Variants in DDAH2 observed in about 807,000 individuals in gnomAD.
The protein encoded by DDAH2 is putative hydrolase DDAH2.
DDAH2 carries 8 observed loss-of-function variants against 24.8 expected under a neutral mutation model. That is an observed-to-expected ratio of 0.32 (90% CI 0.19 to 0.58). The LOEUF (loss-of-function observed/expected upper bound fraction) is 0.58. DDAH2 is among the 20% of genes least tolerant of loss of function. The probability of loss-of-function intolerance (pLI) is 0.87; values close to 1 mark genes in which losing one functional copy is unlikely to be tolerated. For missense variants in DDAH2, 281 were observed against 379.0 expected (o/e 0.74, Z 2.15); for synonymous variants, 151 against 166.1 (o/e 0.91, Z 0.70).
Position 31,728,674 on chromosome 6 carries a change from C to A in DDAH2, c.369G>T (p.Thr123=), listed in dbSNP as rs767833091. The A allele has an allele frequency of 6.2e-7, 1 of 1,613,040 alleles. No homozygotes were observed. The highest frequency in any genetic ancestry group is 8.5e-7 in the Non-Finnish European group (1 of 1,180,008). ...TGAAGAGAACGTCAGTGCCATCCAGCGTCGCGTTCTCGTCTCCTATTTCCA... is the reference window on the plus strand; with the variant it reads ...TGAAGAGAACGTCAGTGCCATCCAGAGTCGCGTTCTCGTCTCCTATTTCCA... ...RIVEIGDENA[T]LDGTDVLFTG... is the part of the protein sequence containing the mutation. Residue 123 remains threonine (T), a synonymous_variant, in exon 2 of 6, where the codon ACG becomes ACT. Coordinates refer to ENST00000375789, the MANE Select transcript of DDAH2 (RefSeq NM_001303007.2). The surrounding 1 kb of genome is among the most constrained non-coding windows in gnomAD (Gnocchi z 9.8).
In DDAH2 at chr6:31,727,185, C is replaced by G; in HGVS notation, c.*52G>C. On this transcript the variant is annotated 3_prime_UTR_variant, in exon 6 of 6. Transcript: ENST00000375789. This position sits in a 1 kb window ranked among gnomAD's most constrained non-coding sequence, Gnocchi z 6.0. Reference sequence around the variant, plus strand: ...TCTCTATCTAACCCTCCTTCCCCTTCTACTTCCTATACTATCCTACCCCTG... The same window carrying G: ...TCTCTATCTAACCCTCCTTCCCCTTGTACTTCCTATACTATCCTACCCCTG... 2.2e-6 allele frequency: 3 copies of G among 1,364,862 alleles called. No homozygotes were observed. Among genetic ancestry groups the G allele is most frequent in the Non-Finnish European group, 3.1e-6 (3 of 960,504 alleles). The allele number at this position is 1,364,862 out of a possible 1,614,324, so 84.5% of individuals were successfully genotyped here.
Position 31,727,894 on chromosome 6 carries a change from AACCCCCT to A in DDAH2, c.592-209_592-203del, listed in dbSNP as rs1390919523. 6.6e-6 allele frequency among the ~76,000 whole-genome samples: 1 copy of A among 152,180 alleles called. No individual in the cohort carries two copies. The highest frequency in any genetic ancestry group is 1.5e-5 in the Non-Finnish European group (1 of 68,034). ...CTTGGAATCACATGCAGTTATTTTC[AACCCCCT>A]ACCTTCCCCAGCCCCTCCTATCTGT... On this transcript the variant is annotated intron_variant, in intron 4 of 5. Coordinates refer to ENST00000375789, the MANE Select transcript of DDAH2 (RefSeq NM_001303007.2). The surrounding 1 kb of genome is among the most constrained non-coding windows in gnomAD (Gnocchi z 6.0).
Position 31,727,205 on chromosome 6 carries a change from C to T in DDAH2, c.*32G>A. 1 of 1,518,148 alleles carries T rather than the reference C, an allele frequency of 6.6e-7. No homozygotes were observed. The highest frequency in any genetic ancestry group is 9.1e-7 in the Non-Finnish European group (1 of 1,094,436). The allele number at this position is 1,518,148 out of a possible 1,614,324, so 94.0% of individuals were successfully genotyped here. On this transcript the variant is annotated 3_prime_UTR_variant, in exon 6 of 6. Transcript: ENST00000375789. The surrounding 1 kb of genome is among the most constrained non-coding windows in gnomAD (Gnocchi z 6.0). ...CCCTTCTACTTCCTATACTATCCTA[C>T]CCCTGGCCAGCAGTACCCCAAGGCC...
Position 31,728,603 on chromosome 6 carries a change from T to G in DDAH2, c.397+43A>C. ...CTCCAGACGGCCGAGTCTCCCAAAC[T>G]CTACTTCCCTGTGCCAAGACCTATG... On this transcript the variant is annotated intron_variant, in intron 2 of 5. Transcript: ENST00000375789. This position sits in a 1 kb window ranked among gnomAD's most constrained non-coding sequence, Gnocchi z 9.8. 1 of 1,611,782 alleles carries G rather than the reference T, an allele frequency of 6.2e-7. No homozygotes were observed. The highest frequency in any genetic ancestry group is 2.2e-5 in the East Asian group (1 of 44,856).
In DDAH2 at chr6:31,727,710, T is replaced by G; in HGVS notation, c.592-18A>C. 6.4e-7 allele frequency: 1 copy of G among 1,574,112 alleles called. No individual in the cohort carries two copies. On this transcript the variant is annotated intron_variant, in intron 4 of 5. Coordinates refer to ENST00000375789, the MANE Select transcript of DDAH2 (RefSeq NM_001303007.2). The surrounding 1 kb of genome is among the most constrained non-coding windows in gnomAD (Gnocchi z 6.0). Reference sequence around the variant, plus strand: ...GCCATTGCCTAGAGGAAAGAGGAAGTGTTCGAGTCTCAGAACCTCTCCACA... The same window carrying G: ...GCCATTGCCTAGAGGAAAGAGGAAGGGTTCGAGTCTCAGAACCTCTCCACA...
chr6:31,727,430 A>G lies in DDAH2; in HGVS notation c.742-77T>C. 6.3e-7 allele frequency: 1 copy of G among 1,596,698 alleles called. No homozygotes were observed. Among genetic ancestry groups the G allele is most frequent in the Non-Finnish European group, 8.6e-7 (1 of 1,167,644 alleles). Reference sequence around the variant, plus strand: ...GCCAGGCCACTCTTCCAGCCAGCTCAGAGTGGCCCCACCCAGGCTTCTAGA... The same window carrying G: ...GCCAGGCCACTCTTCCAGCCAGCTCGGAGTGGCCCCACCCAGGCTTCTAGA... On this transcript the variant is annotated intron_variant, in intron 5 of 5. Transcript: ENST00000375789. The surrounding 1 kb of genome is among the most constrained non-coding windows in gnomAD (Gnocchi z 6.0).
At chr6:31,729,424 C>A, upstream of DDAH2, 1 of 539,574 alleles carries the variant, frequency 1.9e-6, no homozygotes, top group Non-Finnish European at 3.3e-6. The surrounding 1 kb of genome is among the most constrained non-coding windows in gnomAD (Gnocchi z 6.7). Context: ...TTAAGAGGAG[C>A]CTGAGGAACA....
At position 31,727,580 on chromosome 6, in the gene DDAH2, A is replaced by G. The variant is rs750874237; in HGVS notation, c.704T>C (p.Leu235Pro). 17 of 1,613,046 alleles carry G rather than the reference A, an allele frequency of 1.1e-5. No homozygotes were observed. Among genetic ancestry groups the G allele is most frequent in the Non-Finnish European group, 1.2e-5 (14 of 1,180,002 alleles). Residue 235 changes from leucine to proline, a missense_variant, in exon 5 of 6, where the codon CTG becomes CCG. Transcript: ENST00000375789. This position sits in a 1 kb window ranked among gnomAD's most constrained non-coding sequence, Gnocchi z 6.0. ...GGGCAGATCCCCACCTCCACGGTGC[A>G]GGAGGAAAGGGGGCACACCAGGCAA... is the stretch of plus-strand genomic sequence containing the variant. ...PGLPGVPPFL[L>P]HRGGGDLPNS...
chr6:31,727,123 T>C lies in DDAH2; in HGVS notation c.*114A>G. 4 of 768,386 alleles carry C rather than the reference T, an allele frequency of 5.2e-6. No homozygotes were observed. The South Asian group carries it at 6.3e-5, about 12-fold the overall frequency. The allele number at this position is 768,386 out of a possible 1,614,324, so 47.6% of individuals were successfully genotyped here. A position where few individuals can be genotyped will look rare whatever the true frequency, so the allele number is the denominator to read the frequency against. ...TTCCCTACACTCTCCCCTCCCCCAATATTGAGGCTCTCTCCCAACTACTGC... is the reference window on the plus strand; with the variant it reads ...TTCCCTACACTCTCCCCTCCCCCAACATTGAGGCTCTCTCCCAACTACTGC... On this transcript the variant is annotated 3_prime_UTR_variant, in exon 6 of 6. Coordinates refer to ENST00000375789, the MANE Select transcript of DDAH2 (RefSeq NM_001303007.2). The surrounding 1 kb of genome is among the most constrained non-coding windows in gnomAD (Gnocchi z 6.0).
chr6:31,728,544 G>A lies in DDAH2; in HGVS notation c.398-20C>T, dbSNP rs139006870. The A allele has an allele frequency of 6.7e-3, 10,793 of 1,612,834 alleles. 57 individuals are homozygous for A. The highest frequency in any genetic ancestry group is 8.1e-3 in the Non-Finnish European group (9,587 of 1,179,924). ...CCCGGCCTGAGTCCGGGAGGCCGCGGAGGTTTGAGGGCGGGAGTGAGTTAG... is the reference window on the plus strand; with the variant it reads ...CCCGGCCTGAGTCCGGGAGGCCGCGAAGGTTTGAGGGCGGGAGTGAGTTAG... On this transcript the variant is annotated intron_variant, in intron 2 of 5. Coordinates refer to ENST00000375789, the MANE Select transcript of DDAH2 (RefSeq NM_001303007.2). The surrounding 1 kb of genome is among the most constrained non-coding windows in gnomAD (Gnocchi z 9.8).
Position 31,727,516 on chromosome 6 carries a change from G to A in DDAH2, c.741+27C>T, listed in dbSNP as rs1807467731. 1 of 1,612,888 alleles carries A rather than the reference G, an allele frequency of 6.2e-7. No homozygotes were observed. Among genetic ancestry groups the A allele is most frequent in the Admixed American group, 1.7e-5 (1 of 59,990 alleles). On this transcript the variant is annotated intron_variant, in intron 5 of 5. Coordinates refer to ENST00000375789, the MANE Select transcript of DDAH2 (RefSeq NM_001303007.2). The surrounding 1 kb of genome is among the most constrained non-coding windows in gnomAD (Gnocchi z 6.0). ...GAAACTCTTTTCTCTGATGGTGCTT[G>A]GTGTTGGAGTTCCTGCCCTCTCTCA...
At chr6:31,730,202 C>T (rs1807775095), upstream of DDAH2, 1 of 154,570 alleles carries the variant, frequency 6.5e-6, no homozygotes, top group African/African-American at 2.4e-5. The surrounding 1 kb of genome is among the most constrained non-coding windows in gnomAD (Gnocchi z 5.1). Flanking sequence ...TAGGCGAGCT[C>T]ATATACTACG....
chr6:31,728,064 G>A lies in DDAH2; in HGVS notation c.591+109C>T. The A allele has an allele frequency of 1.6e-6, 2 of 1,282,786 alleles. No homozygotes were observed. The highest frequency in any genetic ancestry group is 2.2e-6 in the Non-Finnish European group (2 of 922,222). 79.5% of individuals were successfully genotyped at this position (1,282,786 alleles called of 1,614,324 possible). On this transcript the variant is annotated intron_variant, in intron 4 of 5. Transcript: ENST00000375789. This position sits in a 1 kb window ranked among gnomAD's most constrained non-coding sequence, Gnocchi z 9.8. ...TCTCCTGTGTTCTTTCATGTAAGATGGACAGCCCATTGAGGGCAGGGGTTA... is the reference window on the plus strand; with the variant it reads ...TCTCCTGTGTTCTTTCATGTAAGATAGACAGCCCATTGAGGGCAGGGGTTA...
rs1317012841 is a variant in DDAH2, at chr6:31,727,244, T to C, written c.851A>G (p.His284Arg). The C allele has an allele frequency of 6.2e-7, 1 of 1,612,160 alleles. No individual in the cohort carries two copies. ...TACCCCAAGGCCAGGCCCTCAGCTG[T>C]GGGGGCGTGTGCTGAGCACCAAGCA... ...SLCLVLSTRP[H>R]S The change falls in exon 6 of 6, where the codon CAC (histidine) becomes CGC (arginine). Residue 284 changes from histidine (H) to arginine (R), a missense_variant. Transcript: ENST00000375789. This position sits in a 1 kb window ranked among gnomAD's most constrained non-coding sequence, Gnocchi z 6.0.
rs751400843 is a variant in DDAH2, at chr6:31,728,421, CT to C, written c.471+29del. 1 of 1,611,600 alleles carries C rather than the reference CT, an allele frequency of 6.2e-7. No individual in the cohort carries two copies. Among genetic ancestry groups the C allele is most frequent in the Non-Finnish European group, 8.5e-7 (1 of 1,179,426 alleles). ...CCCTTCCGACCCCCACCTGCACCCC[CT>C]CCCTCCCTAGGCTGGTCCCGCTCCG... On this transcript the variant is annotated intron_variant, in intron 3 of 5. Coordinates refer to ENST00000375789, the MANE Select transcript of DDAH2 (RefSeq NM_001303007.2). This position sits in a 1 kb window ranked among gnomAD's most constrained non-coding sequence, Gnocchi z 9.8.
At position 31,727,247 on chromosome 6, in the gene DDAH2, G is replaced by A; in HGVS notation, c.848C>T (p.Pro283Leu). Residue 283 changes from proline (P) to leucine (L), a missense_variant, in exon 6 of 6, where the codon CCC (proline) becomes CTC (leucine). By Grantham distance (98) the Pro-to-Leu change is moderately conservative. Coordinates refer to ENST00000375789, the MANE Select transcript of DDAH2 (RefSeq NM_001303007.2). This position sits in a 1 kb window ranked among gnomAD's most constrained non-coding sequence, Gnocchi z 6.0. ...SSLCLVLSTR[P>L]HS Reference sequence around the variant, plus strand: ...CCCAAGGCCAGGCCCTCAGCTGTGGGGGCGTGTGCTGAGCACCAAGCAGAG... The same window carrying A: ...CCCAAGGCCAGGCCCTCAGCTGTGGAGGCGTGTGCTGAGCACCAAGCAGAG... 6.2e-7 allele frequency: 1 copy of A among 1,612,702 alleles called. No homozygotes were observed. The highest frequency in any genetic ancestry group is 8.5e-7 in the Non-Finnish European group (1 of 1,179,708).
rs1807426825 is a variant in DDAH2, at chr6:31,727,066, T to C, written c.*171A>G. 1 of 673,980 alleles carries C rather than the reference T, an allele frequency of 1.5e-6. No homozygotes were observed. The highest frequency in any genetic ancestry group is 2.7e-6 in the Non-Finnish European group (1 of 367,358). 41.7% of individuals were successfully genotyped at this position (673,980 alleles called of 1,614,324 possible). On this transcript the variant is annotated 3_prime_UTR_variant, in exon 6 of 6. Coordinates refer to ENST00000375789, the MANE Select transcript of DDAH2 (RefSeq NM_001303007.2). The surrounding 1 kb of genome is among the most constrained non-coding windows in gnomAD (Gnocchi z 6.0). The stretch of plus-strand genomic sequence containing the variant: ...AAAAGGTCAATTCTATTTTATTGGT[T>C]CTGAGAGGGAGGATTCACCCAGTGG...
At position 31,728,141 on chromosome 6, in the gene DDAH2, G is replaced by T; in HGVS notation, c.591+32C>A. On this transcript the variant is annotated intron_variant, in intron 4 of 5. Transcript: ENST00000375789. This position sits in a 1 kb window ranked among gnomAD's most constrained non-coding sequence, Gnocchi z 9.8. ...CCCGGCCTCCCGGGCCCAGAACTGC[G>T]CCCACTTTCGTTGGCCCCGCCCCCT... 4 of 1,607,288 alleles carry T rather than the reference G, an allele frequency of 2.5e-6. No homozygotes were observed. The highest frequency in any genetic ancestry group is 4.5e-5 in the East Asian group (2 of 44,862).
chr6:31,728,732 C>A lies in DDAH2; in HGVS notation c.311G>T (p.Arg104Leu), dbSNP rs866230738. The change falls in exon 2 of 6, where the codon CGC (arginine) becomes CTC (leucine). Residue 104 changes from arginine to leucine, a missense_variant. Arg to Leu is a moderately radical substitution (Grantham distance 102, BLOSUM62 -2). Transcript: ENST00000375789. The surrounding 1 kb of genome is among the most constrained non-coding windows in gnomAD (Gnocchi z 9.8). ...GAGCCCCAGGTCTTGCAGGGCTTTG[C>A]GGACTCCATCGACCTTAGGATAGGA... is the stretch of plus-strand genomic sequence containing the variant. ...PARRPEVDGV[R>L]KALQDLGLRI... 48 of 1,612,964 alleles carry A rather than the reference C, an allele frequency of 3.0e-5. No individual in the cohort carries two copies. Among genetic ancestry groups the A allele is most frequent in the Non-Finnish European group, 4.0e-5 (47 of 1,179,968 alleles).
Sources: gnomAD v4.1 joint callset for allele counts (sites outside exome capture counted in the v4.1 genomes callset) on GRCh38, gnomAD v4.1.1 for gene constraint, Gnocchi (gnomAD v3.1) non-coding constraint, MANE v1.5 for transcripts, NCBI Gene and HGNC (gene_info 2026-07-23, HGNC 2026-07-21) for gene names.